RND3: variants seen among roughly 807,000 people sequenced by gnomAD.
RND3 encodes Rho family GTPase 3, also known as rho-related GTP-binding protein RhoE.
A neutral mutation model predicts 26.5 loss-of-function variants in RND3; 8 were observed. The ratio of observed to expected loss-of-function variants is 0.30; its 90% CI spans 0.18 to 0.54. RND3 has a LOEUF of 0.54. Ranked by LOEUF, RND3 falls within the 20% of genes least tolerant of loss-of-function variation. The pLI is 0.94. For missense variants in RND3, 207 were observed against 302.8 expected, an observed-to-expected ratio of 0.68 and a Z score of 2.35; for synonymous variants, 113 against 113.0, an observed-to-expected ratio of 1.00 and a Z score of 0.00.
chr2:150,475,536 C>T (rs565577818), intron 3 of RND3, among the ~76,000 whole-genome samples: 10 of 152,244 alleles, frequency 6.6e-5, no homozygotes, highest in South Asian at 2.1e-4. Flanking sequence ...TGAACTACTT[C>T]TTGGGAAAGA....
intron 3 of RND3, among the ~76,000 whole-genome samples, chr2:150,478,537 T>G (rs991674948): frequency 1.8e-4 from 22 of 124,408 alleles, no homozygotes; most frequent in African/African-American, 7.1e-4. Context: ...AACTCCTATA[T>G]CCCTCCAGAA....
rs1686396496 is a variant in RND3 at position 150,487,337 on chromosome 2, A to C, written c.81T>G (p.Val27=). 4 of 1,605,586 alleles carry C rather than the reference A, an allele frequency of 2.5e-6. No homozygotes were observed. The African/African-American group carries it at 5.4e-5, about 22-fold the overall frequency. ...DPNQNVKCKI[V]VVGDSQCGKT... is the part of the protein sequence containing the mutation. ...TTCCACACTGACTGTCTCCCACCAC[A>C]ACTATCTTGCATTTCACGTTCTGAT... The change falls in exon 2 of 6, where the codon GTT becomes GTG. Residue 27 remains valine (V), a synonymous_variant. Coordinates refer to ENST00000263895, the MANE Select transcript of RND3 (RefSeq NM_005168.5).
In RND3 at chr2:150,486,907, C is replaced by G; in HGVS notation, c.151-126G>C. The G allele has an allele frequency of 1.3e-6, 1 of 760,178 alleles. No homozygotes were observed. Among genetic ancestry groups the G allele is most frequent in the Admixed American group, 1.8e-5 (1 of 54,960 alleles). The allele number at this position is 760,178 out of a possible 1,614,324, so 47.1% of individuals were successfully genotyped here. A position where few individuals can be genotyped will look rare whatever the true frequency, so the allele number is the denominator to read the frequency against. ...GTTAAGAAAGAAAACCTTCACACAT[C>G]AGACCACACACTAAGCACATGGACC... On this transcript the variant is annotated intron_variant, in intron 2 of 5. Transcript: ENST00000263895. The surrounding 1 kb of genome is among the most constrained non-coding windows in gnomAD (Gnocchi z 4.5).
intron 3 of RND3, among the ~76,000 whole-genome samples, chr2:150,483,805 C>T (rs1315103635): frequency 6.6e-6 from 1 of 151,378 alleles, no homozygotes; most frequent in Non-Finnish European, 1.5e-5. Flanking sequence ...CTGTGTTTAA[C>T]TAACTAACAT....
intron 3 of RND3, among the ~76,000 whole-genome samples, chr2:150,476,202 G>A (rs762690519): frequency 9.9e-5 from 15 of 152,136 alleles, no homozygotes; most frequent in Non-Finnish European, 2.2e-4. Context: ...TCCATTTTGA[G>A]CAGAAAAACA....
intron 3 of RND3, among the ~76,000 whole-genome samples, chr2:150,485,698 G>T (rs1192530097): frequency 6.6e-6 from 1 of 152,086 alleles, no homozygotes; most frequent in African/African-American, 2.4e-5. Context: ...CCCAGCCCAA[G>T]ACCTCAGATG....
Position 150,486,001 on chromosome 2 carries a change from T to TG in RND3, c.238+692dup, listed in dbSNP as rs2105224553. Among the ~76,000 whole-genome samples the TG allele has an allele frequency of 6.6e-6, 1 of 151,590 alleles. No homozygotes were observed. The highest frequency in any genetic ancestry group is 2.0e-4 in the East Asian group (1 of 5,084). On this transcript the variant is annotated intron_variant, in intron 3 of 5. Transcript: ENST00000263895. This position sits in a 1 kb window ranked among gnomAD's most constrained non-coding sequence, Gnocchi z 4.5. ...CAATAGAGGTCAGGAGGGGCTGGTG[T>TG]GGTGAAGGGGAAACGGACGTGATCA... is the stretch of plus-strand genomic sequence containing the variant.
chr2:150,474,345 T>A (rs2105217531), intron 4 of RND3, among the ~76,000 whole-genome samples: 1 of 152,320 alleles, frequency 6.6e-6, no homozygotes, highest in Non-Finnish European at 1.5e-5. Flanking sequence ...ACTAGAAAGA[T>A]ACCTGGTCAT....
rs750982315 is a variant in RND3, at chr2:150,474,932, A to G, written c.291T>C (p.Ala97=). ...TACTGATGTCAAAGCAAATCAGCAC[A>G]GCATCCGAATCAGGGTAAGAGAGGG... ...VRPLSYPDSD[A]VLICFDISRP... is the part of the protein sequence containing the mutation. The change falls in exon 4 of 6, where the codon GCT becomes GCC. Residue 97 remains alanine (A), a synonymous_variant. Transcript: ENST00000263895. The G allele has an allele frequency of 6.2e-7, 1 of 1,613,658 alleles. No individual in the cohort carries two copies. The highest frequency in any genetic ancestry group is 1.7e-5 in the Admixed American group (1 of 59,992).
intron 4 of RND3, 89 bp from the exon 5 acceptor site, chr2:150,471,850 A>G (rs1177375618): frequency 9.1e-6 from 10 of 1,100,842 alleles, no homozygotes; most frequent in Non-Finnish European, 1.3e-5. Context: ...TGACATTAGA[A>G]TGAAACTCAG....
At chr2:150,470,294 C>T (rs1686065927) in intron 5 of RND3, 56 bp from the exon 6 acceptor site, 1 of 1,551,066 alleles carries the variant, frequency 6.4e-7, no homozygotes, top group Admixed American at 1.8e-5. Flanking sequence ...GGAAAGTTAG[C>T]TAGCATCTTC....
chr2:150,471,305 A>T (rs1364148651), intron 5 of RND3, among the ~76,000 whole-genome samples: 1 of 152,178 alleles, frequency 6.6e-6, no homozygotes, highest in Non-Finnish European at 1.5e-5. Context: ...TACTGGCAAC[A>T]GCCTTATTAT....
intron 3 of RND3, among the ~76,000 whole-genome samples, chr2:150,477,702 T>G (rs1439327177): frequency 3.3e-5 from 5 of 152,234 alleles, no homozygotes; most frequent in Admixed American, 2.6e-4. Flanking sequence ...AACGGAGTTC[T>G]CCAGTTAAAC....
Position 150,486,612 on chromosome 2 carries a change from C to T in RND3, c.238+82G>A. ...TGGGAGGGGCGCAGACGGCTTGTAGCGCGCGGTTTCCCGAGACCCGCCGCG... is the reference window on the plus strand; with the variant it reads ...TGGGAGGGGCGCAGACGGCTTGTAGTGCGCGGTTTCCCGAGACCCGCCGCG... On this transcript the variant is annotated intron_variant, in intron 3 of 5. Transcript: ENST00000263895. This position sits in a 1 kb window ranked among gnomAD's most constrained non-coding sequence, Gnocchi z 4.5. 4.1e-6 allele frequency: 4 copies of T among 967,730 alleles called. No homozygotes were observed. Among genetic ancestry groups the T allele is most frequent in the South Asian group, 2.6e-5 (2 of 78,124 alleles). The allele number at this position is 967,730 out of a possible 1,614,324, so 59.9% of individuals were successfully genotyped here.
intron 3 of RND3, among the ~76,000 whole-genome samples, chr2:150,480,101 T>G (rs1329885834): frequency 6.6e-6 from 1 of 152,218 alleles, no homozygotes; most frequent in Non-Finnish European, 1.5e-5. Context: ...AATATTTTAC[T>G]GACAGTGGAA....
chr2:150,487,135 A>T, intron 2 of RND3, 133 bp downstream of exon 2: 1 of 765,022 alleles, frequency 1.3e-6, no homozygotes, highest in Non-Finnish European at 2.0e-6. Flanking sequence ...GAAAGTAGTA[A>T]GGACCGAGAA....
chr2:150,470,805 C>A (rs1474014998), intron 5 of RND3, among the ~76,000 whole-genome samples: 1 of 152,150 alleles, frequency 6.6e-6, no homozygotes, highest in Admixed American at 6.6e-5. Flanking sequence ...CACTTCATTT[C>A]TCTTTTCTTG....
chr2:150,486,844 C>G lies in RND3; in HGVS notation c.151-63G>C, dbSNP rs1319226053. The G allele has an allele frequency of 2.6e-6, 3 of 1,161,212 alleles. No homozygotes were observed. Among genetic ancestry groups the G allele is most frequent in the Non-Finnish European group, 3.9e-6 (3 of 766,934 alleles). 71.9% of individuals were successfully genotyped at this position (1,161,212 alleles called of 1,614,324 possible). A position where few individuals can be genotyped will look rare whatever the true frequency, so the allele number is the denominator to read the frequency against. ...GGCAAAGAGGTTACGTTTAAACGCA[C>G]GACACCCATTGAACACCCTTCCCCT... On this transcript the variant is annotated intron_variant, in intron 2 of 5. Coordinates refer to ENST00000263895, the MANE Select transcript of RND3 (RefSeq NM_005168.5). The surrounding 1 kb of genome is among the most constrained non-coding windows in gnomAD (Gnocchi z 4.5).
rs1313053953 is a variant in RND3, at chr2:150,487,301, C to G, written c.117G>C (p.Leu39=). 2 of 1,603,198 alleles carry G rather than the reference C, an allele frequency of 1.2e-6. No homozygotes were observed. The highest frequency in any genetic ancestry group is 2.2e-5 in the South Asian group (2 of 89,988). ...VGDSQCGKTA[L]LHVFAKDCFP... is the part of the protein sequence containing the mutation. ...AGCAGTCCTTGGCGAAGACATGGAGCAGCGCAGTTTTTCCACACTGACTGT... is the reference window on the plus strand; with the variant it reads ...AGCAGTCCTTGGCGAAGACATGGAGGAGCGCAGTTTTTCCACACTGACTGT... Residue 39 remains leucine, a synonymous_variant, in exon 2 of 6, where the codon CTG becomes CTC. Coordinates refer to ENST00000263895, the MANE Select transcript of RND3 (RefSeq NM_005168.5).
Sources: allele counts gnomAD v4.1 joint callset (sites outside exome capture counted in the v4.1 genomes callset), GRCh38; gene constraint gnomAD v4.1.1; non-coding constraint Gnocchi (gnomAD v3.1); transcripts MANE v1.5; gene names NCBI Gene and HGNC (gene_info 2026-07-23, HGNC 2026-07-21).